RB1: variants seen among roughly 807,000 people sequenced by gnomAD.
RB1 encodes the protein retinoblastoma-associated protein.
Under a neutral mutation model 135.4 loss-of-function variants are expected in RB1, and 18 were observed. That is an observed-to-expected ratio of 0.13 (90% CI 0.09 to 0.20). RB1 has a LOEUF of 0.20. Among genes scored for constraint, RB1 ranks in the 10% least tolerant of loss-of-function variants. The pLI is 1.00. For missense variants in RB1, 868 were observed against 1,110.0 expected, an observed-to-expected ratio of 0.78 and a Z score of 3.10; for synonymous variants, 365 against 373.2, an observed-to-expected ratio of 0.98 and a Z score of 0.25.
At chr13:48,445,518 A>G (rs1949279894) in intron 17 of RB1, among the ~76,000 whole-genome samples, 2 of 152,152 alleles carry the variant, frequency 1.3e-5, no homozygotes, top group African/African-American at 4.8e-5. Context: ...GTTTCTTAGC[A>G]TATGATCTTT....
At chr13:48,369,272 A>G (rs944479854) in intron 11 of RB1, among the ~76,000 whole-genome samples, 1 of 152,114 alleles carries the variant, frequency 6.6e-6, no homozygotes, top group Non-Finnish European at 1.5e-5. Flanking sequence ...TGAATAATCT[A>G]CCTCCAAAAT....
At chr13:48,421,189 T>C (rs1948999701) in intron 17 of RB1, among the ~76,000 whole-genome samples, 1 of 152,054 alleles carries the variant, frequency 6.6e-6, no homozygotes, top group African/African-American at 2.4e-5. Flanking sequence ...AACAGATATA[T>C]TGACCAATGG....
intron 11 of RB1, among the ~76,000 whole-genome samples, chr13:48,371,690 G>A (rs1381160714): frequency 6.6e-6 from 1 of 152,124 alleles, no homozygotes; most frequent in Non-Finnish European, 1.5e-5. Context: ...GAGATTGCTT[G>A]AAGGGAGGGT....
At chr13:48,425,436 G>C (rs1949065791) in intron 17 of RB1, among the ~76,000 whole-genome samples, 1 of 152,184 alleles carries the variant, frequency 6.6e-6, no homozygotes, top group African/African-American at 2.4e-5. Context: ...GGCTGAATTT[G>C]GTCATAAAAC....
rs375657167 is a variant in RB1 at position 48,319,067 on chromosome 13, T to C, written c.264+11661T>C. On this transcript the variant is annotated intron_variant, in intron 2 of 26. Transcript: ENST00000267163. The surrounding 1 kb of genome is among the most constrained non-coding windows in gnomAD (Gnocchi z 5.0). ...CGTCAGTTCAGCGGACGTGTCTGCC[T>C]GGCACGAGGACCGTTCTACAAACTC... is the stretch of plus-strand genomic sequence containing the variant. 17 of 619,710 alleles carry C rather than the reference T, an allele frequency of 2.7e-5. No individual in the cohort carries two copies. In the East Asian group the frequency reaches 5.8e-4, roughly 21 times the overall value. The allele number at this position is 619,710 out of a possible 1,614,324, so 38.4% of individuals were successfully genotyped here. A position where few individuals can be genotyped will look rare whatever the true frequency, so the allele number is the denominator to read the frequency against.
At chr13:48,409,298 A>AT (rs779493728) in intron 17 of RB1, among the ~76,000 whole-genome samples, 32 of 151,786 alleles carry the variant, frequency 2.1e-4, no homozygotes, top group Non-Finnish European at 4.7e-4. Flanking sequence ...GAAACCATGG[A>AT]TCCCTAAAGA....
intron 2 of RB1, among the ~76,000 whole-genome samples, chr13:48,328,976 TA>T (rs1952311320): frequency 6.6e-6 from 1 of 152,148 alleles, no homozygotes; most frequent in Non-Finnish European, 1.5e-5. Context: ...CTTATTTATA[TA>T]CATTATAACT....
intron 7 of RB1, chr13:48,360,597 G>C: frequency 6.2e-6 from 1 of 161,286 alleles, no homozygotes; most frequent in South Asian, 1.8e-4. Flanking sequence ...ATTACTATTG[G>C]ATGTTGTAAT....
intron 6 of RB1, among the ~76,000 whole-genome samples, chr13:48,359,717 A>G (rs1220178935): frequency 2.0e-5 from 3 of 150,986 alleles, no homozygotes; most frequent in African/African-American, 7.3e-5. Flanking sequence ...AAAAAGCAAA[A>G]TTTATAGTGA....
intron 7 of RB1, 113 bp downstream of exon 7, chr13:48,360,240 G>C: frequency 6.5e-7 from 1 of 1,538,756 alleles, no homozygotes; most frequent in Non-Finnish European, 8.7e-7. Flanking sequence ...AAATAAATCA[G>C]ACATGGACTT....
At chr13:48,328,836 A>G (rs1385929016) in intron 2 of RB1, among the ~76,000 whole-genome samples, 1 of 152,216 alleles carries the variant, frequency 6.6e-6, no homozygotes, top group African/African-American at 2.4e-5. Flanking sequence ...GATATCTTTA[A>G]GTCTCAATTT....
In RB1 at chr13:48,480,009, A is replaced by T; in HGVS notation, c.2725A>T (p.Thr909Ser). 1 of 1,613,226 alleles carries T rather than the reference A, an allele frequency of 6.2e-7. No homozygotes were observed. The highest frequency in any genetic ancestry group is 2.2e-5 in the East Asian group (1 of 44,834). ...CATCCTTTTTCCAGCTTCTACTCGA[A>T]CACGAATGCAAAAGCAGAAAATGAA... ...QKLAEMTSTR[T>S]RMQKQKMNDS... is the part of the protein sequence containing the mutation. Residue 909 changes from threonine to serine, a missense_variant, in exon 27 of 27, where the codon ACA becomes TCA. This residue lies in a region of RB1 where 196 missense variants were observed against 239.8 expected (regional missense o/e 0.82). Transcript: ENST00000267163.
chr13:48,361,606 C>T (rs1357018377), intron 7 of RB1, among the ~76,000 whole-genome samples: 1 of 152,058 alleles, frequency 6.6e-6, no homozygotes, highest in Non-Finnish European at 1.5e-5. Flanking sequence ...ATAGTGACTC[C>T]TTAATATTAC....
chr13:48,442,271 A>G (rs1000422125), intron 17 of RB1, among the ~76,000 whole-genome samples: 1 of 150,692 alleles, frequency 6.6e-6, no homozygotes, highest in Non-Finnish European at 1.5e-5. Flanking sequence ...CACCATCTCC[A>G]CTCACTGCAA....
intron 17 of RB1, 35 bp from the exon 18 acceptor site, chr13:48,452,957 AC>A (rs778587838): frequency 6.2e-7 from 1 of 1,608,986 alleles, no homozygotes; most frequent in East Asian, 2.2e-5. Context: ...AATTATGCTT[AC>A]TAATGTGGTT....
At chr13:48,345,520 C>T (rs1952484665) in intron 4 of RB1, among the ~76,000 whole-genome samples, 1 of 152,122 alleles carries the variant, frequency 6.6e-6, no homozygotes, top group Non-Finnish European at 1.5e-5. Context: ...TAAATTTAAA[C>T]TTCTTCCTAA....
At chr13:48,374,860 T>C (rs1593452700) in intron 12 of RB1, among the ~76,000 whole-genome samples, 1 of 152,148 alleles carries the variant, frequency 6.6e-6, no homozygotes, top group East Asian at 1.9e-4. Context: ...CCTCGCTCTC[T>C]TCCTTCCCTC....
Position 48,425,585 on chromosome 13 carries a change from G to A in RB1, c.1696-27408G>A, listed in dbSNP as rs573242330. ...CTAATCCAAGTTACTAAAAATTAAT[G>A]TGCGTCTCCTGAGCCCCACCTACTC... On this transcript the variant is annotated intron_variant, in intron 17 of 26. Transcript: ENST00000267163. 3.9e-5 allele frequency among the ~76,000 whole-genome samples: 6 copies of A among 152,186 alleles called. No individual in the cohort carries two copies. In the South Asian group the frequency reaches 1.2e-3, roughly 32 times the overall value.
chr13:48,360,809 T>A (rs1952632338), intron 7 of RB1: 1 of 152,122 alleles, frequency 6.6e-6, no homozygotes, highest in African/African-American at 2.4e-5. Context: ...AGTCACTTAT[T>A]ATATTATTAT....
Sources: gnomAD v4.1 joint callset for allele counts (sites outside exome capture counted in the v4.1 genomes callset) on GRCh38, gnomAD v4.1.1 for gene constraint, gnomAD v4.1.1 regional missense constraint, Gnocchi (gnomAD v3.1) non-coding constraint, MANE v1.5 for transcripts, NCBI Gene and HGNC (gene_info 2026-07-23, HGNC 2026-07-21) for gene names.